XRRA1: variants seen among roughly 807,000 people sequenced by gnomAD.
XRRA1 encodes the protein X-ray radiation resistance-associated protein 1.
XRRA1 carries 69 observed loss-of-function variants against 80.2 expected under a neutral mutation model. The observed-to-expected ratio is 0.86, with a 90% CI of 0.71 to 1.05. XRRA1 has a LOEUF of 1.05. XRRA1 is among the 50% of genes least tolerant of loss of function. The probability of loss-of-function intolerance (pLI) is 0.00; values close to 1 mark genes in which losing one functional copy is unlikely to be tolerated. For missense variants in XRRA1, 967 were observed against 976.4 expected, an observed-to-expected ratio of 0.99 and a Z score of 0.13; for synonymous variants, 348 against 389.9, an observed-to-expected ratio of 0.89 and a Z score of 1.27.
intron 8 of XRRA1, among the ~76,000 whole-genome samples, chr11:74,911,683 C>G (rs1320840659): frequency 2.0e-5 from 3 of 152,192 alleles, no homozygotes; most frequent in Non-Finnish European, 4.4e-5. Flanking sequence ...GCTGGCACTA[C>G]AGGCACACAC....
At chr11:74,845,543 A>T (rs916108711) in intron 15 of XRRA1, among the ~76,000 whole-genome samples, 4 of 152,232 alleles carry the variant, frequency 2.6e-5, no homozygotes, top group African/African-American at 9.6e-5. Context: ...CTAAGTCTTG[A>T]AGAGCCAGGA....
intron 10 of XRRA1, among the ~76,000 whole-genome samples, chr11:74,891,393 T>G (rs1272630444): frequency 2.6e-5 from 4 of 152,244 alleles, no homozygotes; most frequent in African/African-American, 9.6e-5. Context: ...AGGTATTGAT[T>G]GGACATATCT....
rs2038893995 is a variant in XRRA1, at chr11:74,848,461, AC to A, written c.1381del (p.Val461Ter). On this transcript the variant is annotated frameshift_variant and splice_region_variant, in exon 15 of 19. Coordinates refer to ENST00000684022, the MANE Select transcript of XRRA1 (RefSeq NM_001378157.1). LOFTEE classifies it high-confidence loss of function. ...VLMSRKESWK[V>X]KSEIPKVPKQ... is the part of the protein sequence containing the mutation. ...CGGCACCTTTGGGATTTCGCTTTTC[AC>A]CTGTCATGGAGAAGGGCCAGAATGA... 1.9e-6 allele frequency: 3 copies of A among 1,603,410 alleles called. No individual in the cohort carries two copies. In the South Asian group the frequency reaches 3.3e-5, roughly 18 times the overall value.
At chr11:74,872,964 G>C (rs1257029551) in intron 10 of XRRA1, among the ~76,000 whole-genome samples, 1 of 145,856 alleles carries the variant, frequency 6.9e-6, no homozygotes, top group Non-Finnish European at 1.5e-5. Flanking sequence ...ATTTACTCAT[G>C]CCTTCTTACT....
chr11:74,896,000 G>A (rs1296709756), intron 10 of XRRA1, among the ~76,000 whole-genome samples: 4 of 152,164 alleles, frequency 2.6e-5, no homozygotes, highest in South Asian at 2.1e-4. Context: ...AGAGCCCTTC[G>A]GCCCTGAATA....
intron 4 of XRRA1, among the ~76,000 whole-genome samples, chr11:74,936,094 T>C (rs773525758): frequency 8.5e-5 from 13 of 152,330 alleles, no homozygotes; most frequent in South Asian, 4.1e-4. Flanking sequence ...TTGGGAACCA[T>C]AGCAGAATCT....
At position 74,942,287 on chromosome 11, in the gene XRRA1, TAGG is replaced by T. The variant is rs540513853; in HGVS notation, c.-4-1408_-4-1406del. On this transcript the variant is annotated intron_variant, in intron 2 of 18. Transcript: ENST00000684022. ...GGACCGAAAATAGGCCATGAGCAAG[TAGG>T]AGGTCAGTTTCAGAAGAAGGGTGGA... 2.0e-5 allele frequency among the ~76,000 whole-genome samples: 3 copies of T among 151,808 alleles called. No homozygotes were observed. The South Asian group carries it at 6.3e-4, about 32-fold the overall frequency.
intron 14 of XRRA1, among the ~76,000 whole-genome samples, chr11:74,850,261 T>A (rs1467924490): frequency 6.6e-6 from 1 of 152,156 alleles, no homozygotes; most frequent in East Asian, 1.9e-4. Flanking sequence ...GTCCTGGGCA[T>A]GGGGCTCTGT....
intron 8 of XRRA1, among the ~76,000 whole-genome samples, chr11:74,920,785 G>A (rs1247621514): frequency 6.6e-6 from 1 of 152,208 alleles, no homozygotes; most frequent in Non-Finnish European, 1.5e-5. Context: ...ACATAATGCC[G>A]AGAATACTGT....
intron 10 of XRRA1, among the ~76,000 whole-genome samples, chr11:74,866,140 CCAAA>C (rs941893799): frequency 6.6e-6 from 1 of 152,194 alleles, no homozygotes; most frequent in Non-Finnish European, 1.5e-5. Context: ...TATGACGTCA[CCAAA>C]CAGACAAAAT....
intron 14 of XRRA1, 142 bp from the exon 15 acceptor site, chr11:74,848,604 G>T: frequency 4.2e-6 from 3 of 717,406 alleles, no homozygotes; most frequent in South Asian, 3.8e-5. Context: ...AATCATACTT[G>T]TTGGGCATCT....
At chr11:74,898,770 G>T (rs917035689) in intron 10 of XRRA1, among the ~76,000 whole-genome samples, 6 of 152,084 alleles carry the variant, frequency 3.9e-5, no homozygotes, top group African/African-American at 1.4e-4. Context: ...GATATATAAA[G>T]CAAGTATTAT....
At chr11:74,895,725 A>G (rs549669282) in intron 10 of XRRA1, among the ~76,000 whole-genome samples, 141 of 152,322 alleles carry the variant, frequency 9.3e-4, no homozygotes, top group Middle Eastern at 3.4e-3. Flanking sequence ...TATCTTGGAT[A>G]CCAGCTTAGG....
intron 1 of XRRA1, among the ~76,000 whole-genome samples, chr11:74,947,286 G>C (rs112018667): frequency 2.7e-4 from 41 of 152,214 alleles, no homozygotes; most frequent in African/African-American, 9.6e-4. Flanking sequence ...AGCACTTTGG[G>C]AGGCCGAAGC....
At chr11:74,878,769 G>C (rs1195955734) in intron 10 of XRRA1, among the ~76,000 whole-genome samples, 3 of 151,020 alleles carry the variant, frequency 2.0e-5, no homozygotes, top group Admixed American at 2.0e-4. Context: ...AGATCAGATA[G>C]TTGTAGATAT....
At chr11:74,894,303 G>A in intron 10 of XRRA1, among the ~76,000 whole-genome samples, 1 of 152,106 alleles carries the variant, frequency 6.6e-6, no homozygotes, top group Admixed American at 6.5e-5. Flanking sequence ...AGAACTACCT[G>A]TCCAGTACTA....
At chr11:74,871,877 G>A (rs1301970545) in intron 10 of XRRA1, among the ~76,000 whole-genome samples, 2 of 152,228 alleles carry the variant, frequency 1.3e-5, no homozygotes, top group African/African-American at 4.8e-5. Flanking sequence ...GACCTCTCAT[G>A]GAGAGATGTT....
chr11:74,904,217 T>A (rs1351437330), intron 10 of XRRA1, among the ~76,000 whole-genome samples: 1 of 152,180 alleles, frequency 6.6e-6, no homozygotes, highest in Non-Finnish European at 1.5e-5. Flanking sequence ...CATAGATAGA[T>A]GCATATTAAA....
chr11:74,948,217 C>G (rs1198223850), intron 1 of XRRA1, among the ~76,000 whole-genome samples: 1 of 152,214 alleles, frequency 6.6e-6, no homozygotes, highest in Non-Finnish European at 1.5e-5. Flanking sequence ...TAATACAATA[C>G]TGCTATTTGA....
Sources: gnomAD v4.1 joint callset for allele counts (sites outside exome capture counted in the v4.1 genomes callset) on GRCh38, gnomAD v4.1.1 for gene constraint, MANE v1.5 for transcripts, NCBI Gene and HGNC (gene_info 2026-07-23, HGNC 2026-07-21) for gene names.